Variants in VWA3A observed in about 807,000 individuals in gnomAD.
VWA3A encodes the protein von Willebrand factor A domain containing 3A.
In VWA3A, 134 loss-of-function variants were observed where a neutral mutation model predicts 160.4. That is an observed-to-expected ratio of 0.84 (90% CI 0.73 to 0.96). VWA3A has a LOEUF of 0.96. Ranked by LOEUF, VWA3A falls within the 40% of genes least tolerant of loss-of-function variation. VWA3A has a pLI of 0.00. For missense variants in VWA3A, 1,310 were observed against 1,447.9 expected (o/e 0.90, Z 1.55); for synonymous variants, 476 against 543.4 (o/e 0.88, Z 1.72).
intron 6 of VWA3A, among the ~76,000 whole-genome samples, chr16:22,107,972 C>A (rs1319976486): frequency 6.6e-6 from 1 of 152,164 alleles, no homozygotes; most frequent in African/African-American, 2.4e-5. Context: ...GACATGTGTA[C>A]TAAGTGTTTT....
chr16:22,142,627 C>A, intron 24 of VWA3A, 41 bp from the exon 25 acceptor site: 1 of 1,487,964 alleles, frequency 6.7e-7, no homozygotes, highest in Non-Finnish European at 9.2e-7. Context: ...AGGGGCTCAA[C>A]CATCCAAACT....
chr16:22,150,627 G>A, intron 29 of VWA3A, 68 bp from the exon 30 acceptor site: 1 of 1,516,866 alleles, frequency 6.6e-7, no homozygotes, highest in Non-Finnish European at 8.8e-7. Context: ...ACTACCTTTA[G>A]GCATTTGGTT....
Position 22,121,533 on chromosome 16 carries a change from T to C in VWA3A, c.1272T>C (p.Tyr424=). The C allele has an allele frequency of 6.2e-7, 1 of 1,613,528 alleles. No individual in the cohort carries two copies. Among genetic ancestry groups the C allele is most frequent in the Non-Finnish European group, 8.5e-7 (1 of 1,179,702 alleles). Residue 424 remains tyrosine (Y), a synonymous_variant, in exon 14 of 34, where the codon TAT becomes TAC. Transcript: ENST00000389398. ...TTTCAGCCAAGAAATTAAGTCTATATCAGGTCCTGGCACCCAATGCATTCT... is the reference window on the plus strand; with the variant it reads ...TTTCAGCCAAGAAATTAAGTCTATACCAGGTCCTGGCACCCAATGCATTCT... ...NGLKAKKLSL[Y]QVLAPNAFSP... is the part of the protein sequence containing the mutation.
intron 1 of VWA3A, among the ~76,000 whole-genome samples, chr16:22,094,757 A>G (rs939074180): frequency 2.6e-5 from 4 of 152,128 alleles, no homozygotes; most frequent in East Asian, 1.9e-4. Flanking sequence ...CCTGAGGTCA[A>G]GAGTTTGAGA....
chr16:22,101,179 C>T (rs1327747447), intron 5 of VWA3A, among the ~76,000 whole-genome samples: 1 of 151,958 alleles, frequency 6.6e-6, no homozygotes, highest in Non-Finnish European at 1.5e-5. Flanking sequence ...ATCACTTGAG[C>T]CCAGAAGTTC....
intron 6 of VWA3A, among the ~76,000 whole-genome samples, chr16:22,106,897 GA>G (rs2045490381): frequency 6.6e-6 from 1 of 152,186 alleles, no homozygotes; most frequent in Admixed American, 6.5e-5. Context: ...CTTGCTGATG[GA>G]TTGGATAGGT....
rs368456622 is a variant in VWA3A at position 22,130,657 on chromosome 16, G to T, written c.1653-548G>T. On this transcript the variant is annotated intron_variant, in intron 17 of 33. Coordinates refer to ENST00000389398, the MANE Select transcript of VWA3A (RefSeq NM_173615.5). ...CTCACTCCATTGCCCAGACTGGAGT[G>T]CAGTGGCACAATCATAGCTCACTAC... 5.2e-4 allele frequency among the ~76,000 whole-genome samples: 79 copies of T among 152,208 alleles called. 1 individual carries two copies. The highest frequency in any genetic ancestry group is 1.9e-3 in the African/African-American group (77 of 41,530).
intron 26 of VWA3A, 51 bp from the exon 27 acceptor site, chr16:22,146,185 T>G (rs372123250): frequency 1.4e-6 from 2 of 1,420,036 alleles, no homozygotes; most frequent in Non-Finnish European, 2.0e-6. Flanking sequence ...GATGGGGATA[T>G]GAAGAAATGA....
intron 29 of VWA3A, 113 bp downstream of exon 29, chr16:22,150,044 A>T: frequency 7.3e-7 from 1 of 1,366,640 alleles, no homozygotes. Context: ...TTTACAAAGC[A>T]CTACATCATT....
At position 22,155,588 on chromosome 16, in the gene VWA3A, G is replaced by A. The variant is rs1169733821; in HGVS notation, c.3427G>A (p.Glu1143Lys). ...CAAGGATCCCACATTGCCACCATTT[G>A]AAGGAGATGATTTAAGGATCCTGGC... ...NEKDPTLPPF[E>K]GDDLRILAQE... The change falls in exon 32 of 34, where the codon GAA (glutamate) becomes AAA (lysine). Residue 1143 changes from glutamate to lysine, a missense_variant. By Grantham distance (56) the Glu-to-Lys change is moderately conservative. Transcript: ENST00000389398. 8 of 1,613,830 alleles carry A rather than the reference G, an allele frequency of 5.0e-6. No homozygotes were observed. In the Admixed American group the frequency reaches 1.2e-4, roughly 24 times the overall value.
chr16:22,148,089 G>C, intron 27 of VWA3A, 73 bp from the exon 28 acceptor site: 1 of 1,483,898 alleles, frequency 6.7e-7, no homozygotes, highest in Non-Finnish European at 9.0e-7. Flanking sequence ...TTGATAGATA[G>C]AGTGAGGGAA....
chr16:22,130,969 T>A (rs1409628749), intron 17 of VWA3A, among the ~76,000 whole-genome samples: 1 of 151,984 alleles, frequency 6.6e-6, no homozygotes, highest in Non-Finnish European at 1.5e-5. Flanking sequence ...ACGCCATAGC[T>A]CAATGCTTCA....
At chr16:22,114,936 G>A (rs2045608934) in intron 8 of VWA3A, among the ~76,000 whole-genome samples, 1 of 151,936 alleles carries the variant, frequency 6.6e-6, no homozygotes, top group Non-Finnish European at 1.5e-5. Context: ...CTCCCAAGTA[G>A]CTGGGATTAC....
chr16:22,132,481 A>T (rs2045965501), intron 19 of VWA3A, among the ~76,000 whole-genome samples: 1 of 152,036 alleles, frequency 6.6e-6, no homozygotes, highest in Non-Finnish European at 1.5e-5. Context: ...CCAGCAGGTC[A>T]AAGCTGCAGC....
intron 5 of VWA3A, among the ~76,000 whole-genome samples, chr16:22,101,590 C>T (rs1384033012): frequency 6.6e-6 from 1 of 152,118 alleles, no homozygotes. Context: ...ACAAGGCAGC[C>T]AGGAAAGAGA....
chr16:22,125,810 G>C (rs941434811), intron 16 of VWA3A, among the ~76,000 whole-genome samples: 1 of 152,194 alleles, frequency 6.6e-6, no homozygotes. Flanking sequence ...GAGAGGATTT[G>C]TGACTTGCCT....
intron 6 of VWA3A, among the ~76,000 whole-genome samples, chr16:22,106,026 C>T (rs2045477813): frequency 6.6e-6 from 1 of 152,156 alleles, no homozygotes; most frequent in Non-Finnish European, 1.5e-5. Flanking sequence ...CTTCATGGAG[C>T]TTACGTGCTG....
At chr16:22,143,324 T>C (rs1056778320) in intron 25 of VWA3A, among the ~76,000 whole-genome samples, 1 of 152,124 alleles carries the variant, frequency 6.6e-6, no homozygotes, top group Non-Finnish European at 1.5e-5. Context: ...ATAAGGACAA[T>C]TGTGCCAGTC....
chr16:22,149,814 C>A lies in VWA3A; in HGVS notation c.3012C>A (p.Ser1004Arg), dbSNP rs1252550736. ...DSFNLLSFAE[S>R]FQSWQDTLVE... is the part of the protein sequence containing the mutation. ...TTAACCTGCTCAGCTTTGCAGAGAG[C>A]TTTCAGTCATGGCAGGACACGCTGG... Residue 1004 changes from serine (S) to arginine (R), a missense_variant, in exon 29 of 34, where the codon AGC (serine) becomes AGA (arginine). Physicochemically the swap from Ser to Arg is moderately radical, Grantham distance 110 (BLOSUM62 -1). Transcript: ENST00000389398. The A allele has an allele frequency of 1.2e-6, 2 of 1,609,256 alleles. No homozygotes were observed. Among genetic ancestry groups the A allele is most frequent in the Admixed American group, 1.7e-5 (1 of 59,650 alleles).
Sources: gnomAD v4.1 joint callset for allele counts (sites outside exome capture counted in the v4.1 genomes callset) on GRCh38, gnomAD v4.1.1 for gene constraint, MANE v1.5 for transcripts, NCBI Gene and HGNC (gene_info 2026-07-23, HGNC 2026-07-21) for gene names.